Variants in EVI5L observed in about 807,000 individuals in gnomAD.
EVI5L encodes ecotropic viral integration site 5 like, also known as EVI5-like protein.
Under a neutral mutation model 106.1 loss-of-function variants are expected in EVI5L, and 30 were observed. The observed-to-expected ratio is 0.28, with a 90% CI of 0.21 to 0.38. The LOEUF (loss-of-function observed/expected upper bound fraction) is 0.38. Among genes scored for constraint, EVI5L ranks in the 10% least tolerant of loss-of-function variants. The pLI is 1.00. For missense variants in EVI5L, 809 were observed against 1,098.0 expected (o/e 0.74, Z 3.72); for synonymous variants, 489 against 483.3 (o/e 1.01, Z -0.15).
rs1979606091 is a variant in EVI5L, at chr19:7,857,838, C to T, written c.1234-353C>T. 3.7e-6 allele frequency: 1 copy of T among 268,388 alleles called. No homozygotes were observed. The highest frequency in any genetic ancestry group is 2.2e-5 in the African/African-American group (1 of 44,634). The allele number at this position is 268,388 out of a possible 1,614,324, so 16.6% of individuals were successfully genotyped here. Reference sequence around the variant, plus strand: ...GCCTCAGCTGTCCCCAGATCCTCACCCTCACCGGCAGAGTCTGGCATGAAT... The same window carrying T: ...GCCTCAGCTGTCCCCAGATCCTCACTCTCACCGGCAGAGTCTGGCATGAAT... On this transcript the variant is annotated intron_variant, in intron 12 of 19. Coordinates refer to ENST00000538904, the MANE Select transcript of EVI5L (RefSeq NM_001159944.3). This position sits in a 1 kb window ranked among gnomAD's most constrained non-coding sequence, Gnocchi z 4.5.
At chr19:7,854,162 A>G (rs1979409062) in intron 10 of EVI5L, among the ~76,000 whole-genome samples, 1 of 151,426 alleles carries the variant, frequency 6.6e-6, no homozygotes, top group Non-Finnish European at 1.5e-5. Context: ...CACACCTGTA[A>G]TCCTGGCTAC....
chr19:7,862,097 C>T, intron 15 of EVI5L, 25 bp from the exon 16 acceptor site: 1 of 1,552,870 alleles, frequency 6.4e-7, no homozygotes, highest in Non-Finnish European at 8.7e-7. Context: ...AGGCTGACCG[C>T]CGGCTTCTCG....
chr19:7,860,808 A>G, intron 14 of EVI5L, 119 bp downstream of exon 14: 2 of 1,191,184 alleles, frequency 1.7e-6, no homozygotes, highest in Non-Finnish European at 2.3e-6. Context: ...ACACACAACC[A>G]TACATATGCA....
chr19:7,862,748 C>CCT (rs1196806508), intron 17 of EVI5L, among the ~76,000 whole-genome samples: 24 of 125,386 alleles, frequency 1.9e-4, no homozygotes, highest in Non-Finnish European at 3.3e-4. Flanking sequence ...CCACCCCCCC[C>CCT]CGCGGTCCCG....
In EVI5L at chr19:7,860,553, T is replaced by A. The variant is rs1051571160; in HGVS notation, c.1375-8T>A. The A allele has an allele frequency of 3.2e-6, 5 of 1,576,752 alleles. No homozygotes were observed. Among genetic ancestry groups the A allele is most frequent in the Admixed American group, 3.6e-5 (2 of 56,272 alleles). ...CTGGGGCCCCACGCAGCTCTCTGCC[T>A]CCCCCAGGAGAACCCCCGCCTCACA... On this transcript the variant is annotated splice_polypyrimidine_tract_variant and splice_region_variant and intron_variant, in intron 13 of 19. Coordinates refer to ENST00000538904, the MANE Select transcript of EVI5L (RefSeq NM_001159944.3).
chr19:7,839,919 CAAA>C (rs760628786), intron 1 of EVI5L, among the ~76,000 whole-genome samples: 45 of 152,100 alleles, frequency 3.0e-4, no homozygotes, highest in Non-Finnish European at 5.7e-4. Flanking sequence ...ACAACAACAA[CAAA>C]AAGACAGCAG....
intron 5 of EVI5L, 120 bp downstream of exon 5, chr19:7,849,450 CCTT>C (rs1341292825): frequency 9.4e-7 from 1 of 1,065,006 alleles, no homozygotes; most frequent in Non-Finnish European, 1.4e-6. Flanking sequence ...GGTAGATCCT[CCTT>C]CTCCATCCAC....
At chr19:7,852,918 C>T (rs1026267983) in intron 8 of EVI5L, 168 bp from the exon 9 acceptor site, 25 of 651,866 alleles carry the variant, frequency 3.8e-5, no homozygotes, top group Middle Eastern at 4.2e-4. Flanking sequence ...CCTCCCCTCA[C>T]GCTCAGTCTT....
intron 1 of EVI5L, among the ~76,000 whole-genome samples, chr19:7,843,181 G>A (rs984658924): frequency 1.3e-5 from 2 of 150,460 alleles, no homozygotes; most frequent in African/African-American, 4.9e-5. Context: ...TGTTGAGTAT[G>A]TGCATGTGTG....
chr19:7,832,815 A>T (rs1978299392), intron 1 of EVI5L, among the ~76,000 whole-genome samples: 2 of 152,160 alleles, frequency 1.3e-5, no homozygotes, highest in African/African-American at 4.8e-5. Context: ...CACGGGGAAC[A>T]GGGTGGGCAT....
At position 7,863,334 on chromosome 19, in the gene EVI5L, G is replaced by A. The variant is rs55663153; in HGVS notation, c.2139+54G>A. The A allele has an allele frequency of 3.9e-6, 6 of 1,546,960 alleles. No homozygotes were observed. The highest frequency in any genetic ancestry group is 2.4e-5 in the East Asian group (1 of 40,868). On this transcript the variant is annotated intron_variant, in intron 19 of 19. Coordinates refer to ENST00000538904, the MANE Select transcript of EVI5L (RefSeq NM_001159944.3). This position sits in a 1 kb window ranked among gnomAD's most constrained non-coding sequence, Gnocchi z 7.7. The stretch of plus-strand genomic sequence containing the variant: ...GGCCTGGGTGTCGTCGGCCTGGGAC[G>A]AGCCGAGCGCAGGTGCCTTGCGGAG...
At chr19:7,841,838 G>A (rs1189046606) in intron 1 of EVI5L, among the ~76,000 whole-genome samples, 2 of 152,218 alleles carry the variant, frequency 1.3e-5, no homozygotes, top group African/African-American at 4.8e-5. Context: ...CCGGCCCTCA[G>A]GTGGCCCTCA....
At chr19:7,855,163 C>T (rs1295114358) in intron 10 of EVI5L, among the ~76,000 whole-genome samples, 1 of 147,138 alleles carries the variant, frequency 6.8e-6, no homozygotes, top group African/African-American at 2.5e-5. Context: ...GTCACCCAGG[C>T]TGCAGTGCAG....
At position 7,863,371 on chromosome 19, in the gene EVI5L, G is replaced by GAGGGCGGGGCAGA; in HGVS notation, c.2140-49_2140-37dup. The GAGGGCGGGGCAGA allele has an allele frequency of 6.5e-7, 1 of 1,537,188 alleles. No individual in the cohort carries two copies. Reference sequence around the variant, plus strand: ...GGTGCCTTGCGGAGGATGCGGCTGGGAGGGCGGGGCAGAAGGCCGGTCCAC... The same window carrying GAGGGCGGGGCAGA: ...GGTGCCTTGCGGAGGATGCGGCTGGGAGGGCGGGGCAGAAGGGCGGGGCAGAAGGCCGGTCCAC... On this transcript the variant is annotated intron_variant, in intron 19 of 19. Transcript: ENST00000538904. This position sits in a 1 kb window ranked among gnomAD's most constrained non-coding sequence, Gnocchi z 7.7.
At chr19:7,849,444 G>C in intron 5 of EVI5L, 114 bp downstream of exon 5, 1 of 1,146,906 alleles carries the variant, frequency 8.7e-7, no homozygotes, top group Non-Finnish European at 1.2e-6. Context: ...GCTAGGGGTA[G>C]ATCCTCCTTC....
At position 7,853,129 on chromosome 19, in the gene EVI5L, A is replaced by C; in HGVS notation, c.1031A>C (p.Asp344Ala). The C allele has an allele frequency of 6.2e-7, 1 of 1,613,928 alleles. No individual in the cohort carries two copies. The highest frequency in any genetic ancestry group is 8.5e-7 in the Non-Finnish European group (1 of 1,180,030). ...CCCCACCAGTTCGACAGCTGCCCGG[A>C]CAAGCTGGTCCTCAAAGCCTACCAG... is the stretch of plus-strand genomic sequence containing the variant. Reference protein sequence around the residue: ...VIPHQFDSCPDKLVLKAYQVK... With the variant: ...VIPHQFDSCPAKLVLKAYQVK... Residue 344 changes from aspartate (D) to alanine (A), a missense_variant, in exon 9 of 20, where the codon GAC becomes GCC. Physicochemically the swap from Asp to Ala is moderately radical, Grantham distance 126. Transcript: ENST00000538904.
chr19:7,855,946 G>A, intron 10 of EVI5L, 69 bp from the exon 11 acceptor site: 1 of 1,295,384 alleles, frequency 7.7e-7, no homozygotes, highest in Admixed American at 3.1e-5. Flanking sequence ...CCGGCAGTGG[G>A]TAAATGAGGG....
At chr19:7,853,430 C>A in intron 10 of EVI5L, 97 bp downstream of exon 10, 1 of 1,496,152 alleles carries the variant, frequency 6.7e-7, no homozygotes, top group Non-Finnish European at 9.1e-7. Context: ...CGGGCCTTCC[C>A]AGCGCACAGG....
rs942214646 is a variant in EVI5L, at chr19:7,857,326, T to A, written c.1233+202T>A. The A allele has an allele frequency of 2.8e-5, 19 of 669,174 alleles. No individual in the cohort carries two copies. The African/African-American group carries it at 3.2e-4, about 11-fold the overall frequency. 41.5% of individuals were successfully genotyped at this position (669,174 alleles called of 1,614,324 possible). A position where few individuals can be genotyped will look rare whatever the true frequency, so the allele number is the denominator to read the frequency against. ...TGTGAAGTGGGGAGAAGGGTGTGTG[T>A]GGAGGGGCTGTGAGTGCGTTTGGGT... On this transcript the variant is annotated intron_variant, in intron 12 of 19. Transcript: ENST00000538904. This position sits in a 1 kb window ranked among gnomAD's most constrained non-coding sequence, Gnocchi z 4.5.
Sources: gnomAD v4.1 joint callset for allele counts (sites outside exome capture counted in the v4.1 genomes callset) on GRCh38, gnomAD v4.1.1 for gene constraint, Gnocchi (gnomAD v3.1) non-coding constraint, MANE v1.5 for transcripts, NCBI Gene and HGNC (gene_info 2026-07-23, HGNC 2026-07-21) for gene names.